The following REDIC1 variants were observed in gnomAD, a reference collection of about 807,000 sequenced individuals.
REDIC1 encodes the protein regulator of DNA class I crossover intermediates 1, also known as HEI10 Interacting Protein 1.
chr12:39,833,939 T>C, the REDIC1 span, among the ~76,000 whole-genome samples: 1 of 148,890 alleles, frequency 6.7e-6, no homozygotes, highest in Admixed American at 6.7e-5. Flanking sequence ...CCTCCGAAAG[T>C]AGGTCGTAAG....
chr12:39,874,489 C>T, the REDIC1 span, among the ~76,000 whole-genome samples: 4 of 151,910 alleles, frequency 2.6e-5, no homozygotes, highest in Admixed American at 2.0e-4. Context: ...GTAGCGGGCA[C>T]CTGTAATCCT....
chr12:39,771,730 G>T, the REDIC1 span, among the ~76,000 whole-genome samples: 2 of 151,908 alleles, frequency 1.3e-5, no homozygotes, highest in Non-Finnish European at 2.9e-5. Context: ...AAACTCATAT[G>T]CCACCAAGTT....
At chr12:39,674,980 C>T in the REDIC1 span, among the ~76,000 whole-genome samples, 1 of 152,170 alleles carries the variant, frequency 6.6e-6, no homozygotes, top group Non-Finnish European at 1.5e-5. Context: ...CAGGGAGGGG[C>T]AAGGCCTGGG....
At chr12:39,796,840 G>C in the REDIC1 span, among the ~76,000 whole-genome samples, 1 of 151,952 alleles carries the variant, frequency 6.6e-6, no homozygotes, top group South Asian at 2.1e-4. Flanking sequence ...TGATAATGCT[G>C]CCATGGACAT....
At chr12:39,789,880 A>G in the REDIC1 span, among the ~76,000 whole-genome samples, 144,433 of 152,124 alleles carry the variant, frequency 0.95, 68,662 homozygotes, top group East Asian at 0.99. Flanking sequence ...CCAATTGGAC[A>G]GTTTGCCTAT....
the REDIC1 span, among the ~76,000 whole-genome samples, chr12:39,796,952 T>C: frequency 2.9e-3 from 443 of 152,302 alleles, 2 homozygotes; most frequent in African/African-American, 0.01. Flanking sequence ...TTAAAACATA[T>C]TGCCAAATAT....
the REDIC1 span, among the ~76,000 whole-genome samples, chr12:39,640,428 G>A: frequency 6.6e-6 from 1 of 151,788 alleles, no homozygotes; most frequent in African/African-American, 2.4e-5. Context: ...TTTTGTTATA[G>A]CAGCCTGAAC....
chr12:39,695,457 G>T, the REDIC1 span, among the ~76,000 whole-genome samples: 131,843 of 152,096 alleles, frequency 0.87, 57,395 homozygotes, highest in African/African-American at 0.92. Context: ...TCACTGGTAC[G>T]CTGGCAGTAC....
the REDIC1 span, among the ~76,000 whole-genome samples, chr12:39,674,768 A>G: frequency 2.0e-5 from 3 of 152,208 alleles, no homozygotes; most frequent in Non-Finnish European, 2.9e-5. Context: ...CAGGGAAGCC[A>G]TCCCTGGCCT....
At chr12:39,662,203 A>T in the REDIC1 span, among the ~76,000 whole-genome samples, 3 of 151,988 alleles carry the variant, frequency 2.0e-5, no homozygotes, top group South Asian at 6.2e-4. Flanking sequence ...CAGAGATTAC[A>T]TTGACTCTGT....
At chr12:39,883,159 TATA>T in the REDIC1 span, among the ~76,000 whole-genome samples, 1 of 152,156 alleles carries the variant, frequency 6.6e-6, no homozygotes, top group Non-Finnish European at 1.5e-5. Context: ...CTTTAATAAT[TATA>T]ATAAGTAACG....
chr12:39,879,229 C>T, the REDIC1 span, among the ~76,000 whole-genome samples: 2 of 152,240 alleles, frequency 1.3e-5, no homozygotes, highest in Middle Eastern at 3.2e-3. Context: ...TCACAGAGAA[C>T]CCCTACTAGG....
chr12:39,709,599 CTT>C, the REDIC1 span, among the ~76,000 whole-genome samples: 1 of 148,284 alleles, frequency 6.7e-6, no homozygotes, highest in Non-Finnish European at 1.5e-5. Context: ...TGGTATTTGT[CTT>C]TTTTTGATGG....
At chr12:39,691,366 T>A in the REDIC1 span, among the ~76,000 whole-genome samples, 2 of 152,100 alleles carry the variant, frequency 1.3e-5, no homozygotes, top group East Asian at 3.9e-4. Context: ...TAGAAAAAAA[T>A]TTTTATAAGC....
At chr12:39,826,035 G>C in the REDIC1 span, among the ~76,000 whole-genome samples, 1 of 151,938 alleles carries the variant, frequency 6.6e-6, no homozygotes, top group Non-Finnish European at 1.5e-5. Context: ...ATTTTTATTA[G>C]AAAACATGTT....
chr12:39,746,723 C>T, the REDIC1 span, among the ~76,000 whole-genome samples: 20 of 152,206 alleles, frequency 1.3e-4, no homozygotes, highest in South Asian at 2.1e-4. Context: ...CCCCCTGAGA[C>T]GAAGCTTCCA....
chr12:39,704,853 A>G, the REDIC1 span, among the ~76,000 whole-genome samples: 1 of 152,136 alleles, frequency 6.6e-6, no homozygotes, highest in East Asian at 1.9e-4. Context: ...ATTCTCACTC[A>G]TAGGTGGGAA....
At chr12:39,626,693 T>C in the REDIC1 span, among the ~76,000 whole-genome samples, 8 of 152,114 alleles carry the variant, frequency 5.3e-5, no homozygotes, top group Non-Finnish European at 8.8e-5. Context: ...CCCTACTGCC[T>C]TCTTTCCGTG....
chr12:39,687,478 A>T, the REDIC1 span, among the ~76,000 whole-genome samples: 1 of 54,268 alleles, frequency 1.8e-5, no homozygotes, highest in Non-Finnish European at 5.8e-5. Flanking sequence ...AGCAAGAGAG[A>T]GTGAGGTGGG....
Sources: allele counts gnomAD v4.1 joint callset (sites outside exome capture counted in the v4.1 genomes callset), GRCh38; gene constraint gnomAD v4.1.1; transcripts MANE v1.5; gene names NCBI Gene and HGNC (gene_info 2026-07-23, HGNC 2026-07-21).